Variants in PTPRF observed in about 807,000 individuals in gnomAD.
PTPRF encodes receptor-type tyrosine-protein phosphatase F.
Under a neutral mutation model 201.8 loss-of-function variants are expected in PTPRF, and 59 were observed. The observed-to-expected ratio is 0.29, with a 90% CI of 0.24 to 0.36. The LOEUF is 0.36. Among genes scored for constraint, PTPRF ranks in the 10% least tolerant of loss-of-function variants. The probability of loss-of-function intolerance (pLI) is 1.00; values close to 1 mark genes in which losing one functional copy is unlikely to be tolerated. For missense variants in PTPRF, 2,132 were observed against 2,690.5 expected (o/e 0.79, Z 4.59); for synonymous variants, 1,088 against 1,089.7 (o/e 1.00, Z 0.03).
chr1:43,603,660 G>A lies in PTPRF; in HGVS notation c.2508G>A (p.Ala836=), dbSNP rs760702240. The A allele has an allele frequency of 1.6e-5, 26 of 1,613,428 alleles. No homozygotes were observed. Among genetic ancestry groups the A allele is most frequent in the South Asian group, 2.2e-5 (2 of 91,060 alleles). Reference sequence around the variant, plus strand: ...TCAGCACCACGGCCATGAACACTGCGCTGCTCCAGTGGCACCCACCCAAGG... The same window carrying A: ...TCAGCACCACGGCCATGAACACTGCACTGCTCCAGTGGCACCCACCCAAGG... ...MMISTTAMNT[A]LLQWHPPKEL... is the part of the protein sequence containing the mutation. Residue 836 remains alanine, a synonymous_variant, in exon 16 of 34, where the codon GCG becomes GCA. Transcript: ENST00000359947. This position sits in a 1 kb window ranked among gnomAD's most constrained non-coding sequence, Gnocchi z 5.8.
At position 43,587,481 on chromosome 1, in the gene PTPRF, T is replaced by C. The variant is rs1023615095; in HGVS notation, c.680-1250T>C. On this transcript the variant is annotated intron_variant, in intron 7 of 33. Coordinates refer to ENST00000359947, the MANE Select transcript of PTPRF (RefSeq NM_002840.5). Reference sequence around the variant, plus strand: ...GGTCTAAGTTTTGACCCCTGTATGGTGAGGTCAGACGTTGGACCGGGAGGT... The same window carrying C: ...GGTCTAAGTTTTGACCCCTGTATGGCGAGGTCAGACGTTGGACCGGGAGGT... 5.9e-5 allele frequency among the ~76,000 whole-genome samples: 9 copies of C among 152,296 alleles called. 1 individual carries two copies. Among genetic ancestry groups the C allele is most frequent in the Middle Eastern group, 6.8e-3 (2 of 294 alleles).
intron 7 of PTPRF, among the ~76,000 whole-genome samples, chr1:43,586,255 G>A (rs917213387): frequency 6.6e-6 from 1 of 152,220 alleles, no homozygotes; most frequent in Admixed American, 6.5e-5. Context: ...GGACAGGAGA[G>A]ATTTAGTTCA....
At chr1:43,597,218 T>C (rs1324667781) in intron 11 of PTPRF, among the ~76,000 whole-genome samples, 2 of 152,092 alleles carry the variant, frequency 1.3e-5, no homozygotes, top group African/African-American at 4.8e-5. Context: ...TATGAGACAG[T>C]GTATATGACA....
intron 11 of PTPRF, among the ~76,000 whole-genome samples, chr1:43,597,263 ATATGACACTGTATATG>A (rs1342381058): frequency 6.6e-6 from 1 of 152,112 alleles, no homozygotes; most frequent in Admixed American, 6.5e-5. Context: ...GTGAAACACT[ATATGACACTGTATATG>A]TGTGACACTG....
At chr1:43,608,706 T>C (rs374381419) in intron 21 of PTPRF, among the ~76,000 whole-genome samples, 4 of 152,304 alleles carry the variant, frequency 2.6e-5, no homozygotes, top group East Asian at 1.9e-4. Flanking sequence ...GAGCAGTCAC[T>C]GTGTGGAACA....
At chr1:43,529,878 A>C (rs184163519), upstream of PTPRF, among the ~76,000 whole-genome samples, 2 of 152,264 alleles carry the variant, frequency 1.3e-5, no homozygotes, top group Non-Finnish European at 2.9e-5. Flanking sequence ...CTGACATTTA[A>C]ATTACATTTA....
intron 3 of PTPRF, among the ~76,000 whole-genome samples, chr1:43,548,460 C>G (rs1041227388): frequency 6.6e-6 from 1 of 152,084 alleles, no homozygotes; most frequent in African/African-American, 2.4e-5. Flanking sequence ...TGCTCTCCCC[C>G]TCGTTCTATG....
At chr1:43,547,262 C>A (rs975985030) in intron 3 of PTPRF, among the ~76,000 whole-genome samples, 5 of 152,178 alleles carry the variant, frequency 3.3e-5, no homozygotes, top group Non-Finnish European at 7.3e-5. Context: ...CAAGGGGGAA[C>A]AGTTTTTAAA....
chr1:43,555,782 A>G (rs1010694932), intron 5 of PTPRF, among the ~76,000 whole-genome samples: 6 of 152,210 alleles, frequency 3.9e-5, no homozygotes, highest in African/African-American at 1.4e-4. Context: ...AAGCTGTCAC[A>G]TGCAAGTACC....
upstream of PTPRF, among the ~76,000 whole-genome samples, chr1:43,523,329 G>A (rs753688580): frequency 2.6e-5 from 4 of 152,086 alleles, no homozygotes; most frequent in Non-Finnish European, 5.9e-5. Flanking sequence ...GTGAATCATC[G>A]GCAGATGGAC....
At position 43,553,616 on chromosome 1, in the gene PTPRF, A is replaced by G. The variant is rs763695541; in HGVS notation, c.216A>G (p.Lys72=). Residue 72 remains lysine, a synonymous_variant, in exon 4 of 34, where the codon AAA becomes AAG. Coordinates refer to ENST00000359947, the MANE Select transcript of PTPRF (RefSeq NM_002840.5). This position sits in a 1 kb window ranked among gnomAD's most constrained non-coding sequence, Gnocchi z 4.1. The part of the protein sequence containing the change: ...PRITWMKKGK[K]VSSQRFEVIE... ...TCACATGGATGAAGAAGGGGAAGAA[A>G]GTCAGCTCCCAGCGCTTCGAGGTGC... The G allele has an allele frequency of 1.9e-6, 3 of 1,614,186 alleles. No homozygotes were observed. Among genetic ancestry groups the G allele is most frequent in the Admixed American group, 3.3e-5 (2 of 60,026 alleles).
upstream of PTPRF, among the ~76,000 whole-genome samples, chr1:43,530,637 G>A (rs908128178): frequency 6.6e-6 from 1 of 152,180 alleles, no homozygotes; most frequent in Non-Finnish European, 1.5e-5. This position sits in a 1 kb window ranked among gnomAD's most constrained non-coding sequence, Gnocchi z 4.1. Flanking sequence ...GGAGCCACTA[G>A]AAGGATCTGG....
intron 2 of PTPRF, among the ~76,000 whole-genome samples, chr1:43,544,364 C>G (rs1010186785): frequency 6.6e-6 from 1 of 152,200 alleles, no homozygotes; most frequent in Non-Finnish European, 1.5e-5. Flanking sequence ...CCAGGCAGGG[C>G]AGCAGCAGCT....
Position 43,587,710 on chromosome 1 carries a change from G to A in PTPRF, c.680-1021G>A, listed in dbSNP as rs541078747. Among the ~76,000 whole-genome samples the A allele has an allele frequency of 3.3e-5, 5 of 152,298 alleles. No individual in the cohort carries two copies. In the East Asian group the frequency reaches 5.8e-4, roughly 18 times the overall value. On this transcript the variant is annotated intron_variant, in intron 7 of 33. Coordinates refer to ENST00000359947, the MANE Select transcript of PTPRF (RefSeq NM_002840.5). ...TGCTGCCTGCCGCCTTTGGCCCTGCGTGTGAGAGTGCCCGTGTAGGACACA... is the reference window on the plus strand; with the variant it reads ...TGCTGCCTGCCGCCTTTGGCCCTGCATGTGAGAGTGCCCGTGTAGGACACA...
chr1:43,569,167 G>C (rs1171361833), intron 5 of PTPRF, among the ~76,000 whole-genome samples: 1 of 152,106 alleles, frequency 6.6e-6, no homozygotes, highest in African/African-American at 2.4e-5. Context: ...GGACAGCACA[G>C]AGGCCTTCAG....
intron 23 of PTPRF, among the ~76,000 whole-genome samples, chr1:43,616,739 C>T (rs534454699): frequency 4.6e-5 from 7 of 152,172 alleles, no homozygotes; most frequent in Admixed American, 3.3e-4. Context: ...AAGGACCTCC[C>T]GGTGGAGGTG....
chr1:43,618,485 CAG>C (rs552278041), intron 25 of PTPRF, 143 bp from the exon 26 acceptor site: 20 of 954,816 alleles, frequency 2.1e-5, no homozygotes, highest in Non-Finnish European at 2.8e-5. Context: ...TTGTGGAGGA[CAG>C]GGGGCAATGG....
intron 1 of PTPRF, among the ~76,000 whole-genome samples, chr1:43,532,071 T>G (rs1287162573): frequency 1.3e-5 from 2 of 152,152 alleles, no homozygotes; most frequent in Admixed American, 6.5e-5. Flanking sequence ...GAGTCTGTTC[T>G]CTCCGCTTGG....
intron 13 of PTPRF, among the ~76,000 whole-genome samples, chr1:43,600,150 T>C (rs1653390439): frequency 6.6e-6 from 1 of 152,196 alleles, no homozygotes; most frequent in East Asian, 1.9e-4. Context: ...GAGGCAGGCA[T>C]GTGCACCCAC....
Sources: gnomAD v4.1 joint callset for allele counts (sites outside exome capture counted in the v4.1 genomes callset) on GRCh38, gnomAD v4.1.1 for gene constraint, Gnocchi (gnomAD v3.1) non-coding constraint, MANE v1.5 for transcripts, NCBI Gene and HGNC (gene_info 2026-07-23, HGNC 2026-07-21) for gene names.